Variants in PHYKPL observed in about 807,000 individuals in gnomAD.
The protein encoded by PHYKPL is 5-phosphohydroxy-L-lysine phospho-lyase.
A neutral mutation model predicts 51.3 loss-of-function variants in PHYKPL; 42 were observed. That is an observed-to-expected ratio of 0.82 (90% CI 0.64 to 1.06). The LOEUF is 1.06. Ranked by LOEUF, PHYKPL falls within the 50% of genes least tolerant of loss-of-function variation. The pLI, the probability that PHYKPL is intolerant of heterozygous loss-of-function variation, is 0.00. For synonymous variants in PHYKPL, 264 were observed against 236.0 expected (o/e 1.12, Z -1.09); for missense variants, 655 against 586.6 (o/e 1.12, Z -1.20).
chr5:178,207,342 T>C, downstream of PHYKPL: 2 of 1,247,674 alleles, frequency 1.6e-6, no homozygotes, highest in East Asian at 2.3e-5. Flanking sequence ...GACTTTACTA[T>C]TTCTCTGAAG....
intron 6 of PHYKPL, chr5:178,223,296 T>C: frequency 2.2e-6 from 1 of 447,120 alleles, no homozygotes; most frequent in South Asian, 1.6e-5. Flanking sequence ...CTAAACCTAC[T>C]CCTTGCCCTC....
chr5:178,228,689 C>T (rs1321628006), intron 3 of PHYKPL: 15 of 688,978 alleles, frequency 2.2e-5, no homozygotes, highest in African/African-American at 1.1e-4. Flanking sequence ...TATAATTCAA[C>T]GCCACCACCT....
intron 1 of PHYKPL, 77 bp downstream of exon 1, chr5:178,232,400 CGCGTGCGTAGTGCGT>C: frequency 7.5e-7 from 1 of 1,334,608 alleles, no homozygotes; most frequent in Admixed American, 4.1e-5. Context: ...TAGCCGGAGG[CGCGTGCGTAGTGCGT>C]GCGTGCGTGC....
chr5:178,229,869 T>C, intron 3 of PHYKPL, 71 bp downstream of exon 3: 1 of 1,572,954 alleles, frequency 6.4e-7, no homozygotes, highest in Non-Finnish European at 8.7e-7. Context: ...TACACTACAC[T>C]GGGCCCATGT....
At position 178,222,952 on chromosome 5, in the gene PHYKPL, T is replaced by C. The variant is rs1761488388; in HGVS notation, c.619-18A>G. On this transcript the variant is annotated intron_variant, in intron 6 of 12. Transcript: ENST00000308158. ...GCTGCAATCTGTGAAGAGATGGACA[T>C]TGGGAACACGACCATGGGGTTGTGC... The C allele has an allele frequency of 3.1e-6, 5 of 1,613,314 alleles. No homozygotes were observed. In the South Asian group the frequency reaches 4.4e-5, roughly 14 times the overall value.
At chr5:178,210,684 C>G in intron 12 of PHYKPL, 1 of 1,289,812 alleles carries the variant, frequency 7.8e-7, no homozygotes, top group Non-Finnish European at 1.1e-6. Context: ...GGAGTGAACA[C>G]AATTATGTAC....
In PHYKPL at chr5:178,224,466, T is replaced by G; in HGVS notation, c.600A>C (p.Ala200=). Residue 200 remains alanine, a synonymous_variant, in exon 6 of 13, where the codon GCA becomes GCC. Transcript: ENST00000308158. ...ANEVKRVVSS[A]QEKGRKIAAF... ...CGGTTACCTTCCTGCCCTTCTCCTG[T>G]GCACTGCTGACCACACGTTTCACCT... 2 of 1,596,258 alleles carry G rather than the reference T, an allele frequency of 1.3e-6. No individual in the cohort carries two copies. Among genetic ancestry groups the G allele is most frequent in the Middle Eastern group, 1.7e-4 (1 of 5,960 alleles).
In PHYKPL at chr5:178,222,845, TACTC is replaced by T. The variant is rs1761459589; in HGVS notation, c.701+3_701+6del. 1.9e-6 allele frequency: 3 copies of T among 1,614,006 alleles called. No homozygotes were observed. Among genetic ancestry groups the T allele is most frequent in the Non-Finnish European group, 2.5e-6 (3 of 1,179,902 alleles). Reference sequence around the variant, plus strand: ...CTCCCTAGAGCAGACCCCGCCCACCTACTCACTCTGCCACTTGGGAGAAGTAGCC... The same window carrying T: ...CTCCCTAGAGCAGACCCCGCCCACCTACTCTGCCACTTGGGAGAAGTAGCC... On this transcript the variant is annotated splice_donor_5th_base_variant and intron_variant, in intron 7 of 12. Coordinates refer to ENST00000308158, the MANE Select transcript of PHYKPL (RefSeq NM_153373.4).
intron 1 of PHYKPL, chr5:178,232,205 A>G (rs1284433720): frequency 5.6e-6 from 7 of 1,252,924 alleles, no homozygotes; most frequent in Non-Finnish European, 7.0e-6. Flanking sequence ...AGCGAGGCTG[A>G]CACAGCCGAA....
intron 5 of PHYKPL, 33 bp downstream of exon 5, chr5:178,224,609 C>T (rs777579108): frequency 6.8e-6 from 11 of 1,614,106 alleles, no homozygotes; most frequent in Middle Eastern, 3.3e-4. Flanking sequence ...TGGGGACAGG[C>T]ACCGACCTGT....
chr5:178,227,511 C>T (rs1762527163), intron 3 of PHYKPL, among the ~76,000 whole-genome samples: 1 of 152,150 alleles, frequency 6.6e-6, no homozygotes. Context: ...GCAGATGGAG[C>T]AGCATGCTCC....
chr5:178,210,058 G>T, intron 12 of PHYKPL: 2 of 1,579,046 alleles, frequency 1.3e-6, no homozygotes, highest in Non-Finnish European at 1.7e-6. Context: ...ACCCCAAAGG[G>T]CAGGATTTCC....
rs774564514 is a variant in PHYKPL at position 178,224,542 on chromosome 5, C to G, written c.524G>C (p.Arg175Pro). The stretch of plus-strand genomic sequence containing the variant: ...GGGGTGGTCCTCCCGGTAGGGGCCC[C>G]GGTAGGTGTCTGGGAGAGGTGCCTG... ...VHVAPLPDTY[R>P]GPYREDHPNP... The change falls in exon 6 of 13, where the codon CGG becomes CCG. Residue 175 changes from arginine (R) to proline (P), a missense_variant. Physicochemically the swap from Arg to Pro is moderately radical, Grantham distance 103. Transcript: ENST00000308158. The G allele has an allele frequency of 6.2e-7, 1 of 1,614,184 alleles. No individual in the cohort carries two copies. The highest frequency in any genetic ancestry group is 8.5e-7 in the Non-Finnish European group (1 of 1,179,998).
chr5:178,218,972 AAAAGT>A (rs1760540116), intron 8 of PHYKPL, among the ~76,000 whole-genome samples: 1 of 152,244 alleles, frequency 6.6e-6, no homozygotes, highest in South Asian at 2.1e-4. Context: ...AAAAACAAAA[AAAAGT>A]AAAGGAAAAC....
At position 178,222,596 on chromosome 5, in the gene PHYKPL, T is replaced by C; in HGVS notation, c.702-16A>G. On this transcript the variant is annotated splice_polypyrimidine_tract_variant and intron_variant, in intron 7 of 12. Coordinates refer to ENST00000308158, the MANE Select transcript of PHYKPL (RefSeq NM_153373.4). ...GCGGATGTGCCTGTGGCAGAGGAGATGACTGACACGGGGGCTGTGGTTGAG... is the reference window on the plus strand; with the variant it reads ...GCGGATGTGCCTGTGGCAGAGGAGACGACTGACACGGGGGCTGTGGTTGAG... 1 of 1,611,490 alleles carries C rather than the reference T, an allele frequency of 6.2e-7. No individual in the cohort carries two copies. Among genetic ancestry groups the C allele is most frequent in the Non-Finnish European group, 8.5e-7 (1 of 1,177,694 alleles).
At chr5:178,210,866 C>T (rs899176116) in intron 12 of PHYKPL, 6 of 553,170 alleles carry the variant, frequency 1.1e-5, no homozygotes, top group African/African-American at 1.9e-5. Context: ...TTACCAGGTC[C>T]CCCAGAAGCA....
chr5:178,232,330 C>G, intron 1 of PHYKPL, 162 bp downstream of exon 1: 1 of 1,272,088 alleles, frequency 7.9e-7, no homozygotes, highest in Non-Finnish European at 9.9e-7. Context: ...CCGCCTCGGG[C>G]CCTAGAAGCT....
chr5:178,228,437 G>T, intron 3 of PHYKPL: 1 of 663,064 alleles, frequency 1.5e-6, no homozygotes, highest in South Asian at 1.6e-5. Flanking sequence ...GAAGTCCCTG[G>T]AATCCACACA....
intron 3 of PHYKPL, chr5:178,228,651 CTGTG>C (rs1561743119): frequency 1.4e-6 from 1 of 701,420 alleles, no homozygotes; most frequent in Non-Finnish European, 2.6e-6. Flanking sequence ...GATGTCTGTA[CTGTG>C]TGAGTGGCCA....
Sources: gnomAD v4.1 joint callset for allele counts (sites outside exome capture counted in the v4.1 genomes callset) on GRCh38, gnomAD v4.1.1 for gene constraint, MANE v1.5 for transcripts, NCBI Gene and HGNC (gene_info 2026-07-23, HGNC 2026-07-21) for gene names.